Variants in ARHGAP28 observed in about 807,000 individuals in gnomAD.
The protein encoded by ARHGAP28 is rho GTPase-activating protein 28.
A neutral mutation model predicts 90.7 loss-of-function variants in ARHGAP28; 56 were observed. The ratio of observed to expected loss-of-function variants is 0.62; its 90% CI spans 0.50 to 0.77. The LOEUF is 0.77. Among genes scored for constraint, ARHGAP28 ranks in the 30% least tolerant of loss-of-function variants. The probability of loss-of-function intolerance (pLI) is 0.00; values close to 1 mark genes in which losing one functional copy is unlikely to be tolerated. For synonymous variants in ARHGAP28, 308 were observed against 323.3 expected (o/e 0.95, Z 0.51); for missense variants, 869 against 900.9 (o/e 0.96, Z 0.45).
intron 6 of ARHGAP28, among the ~76,000 whole-genome samples, 167 bp downstream of exon 6, chr18:6,868,401 C>T (rs1183412124): frequency 6.6e-6 from 1 of 152,168 alleles, no homozygotes; most frequent in Admixed American, 6.5e-5. Flanking sequence ...CTCCAAACAC[C>T]CCATTCTGTC....
chr18:6,739,067 A>AT (rs1179586044), intron 1 of ARHGAP28, among the ~76,000 whole-genome samples: 6 of 152,358 alleles, frequency 3.9e-5, no homozygotes, highest in African/African-American at 1.4e-4. Context: ...GTGACACAGG[A>AT]AGAAACTGAA....
At position 6,814,327 on chromosome 18, in the gene ARHGAP28, C is replaced by T. The variant is rs116280629; in HGVS notation, c.123-10435C>T. Reference sequence around the variant, plus strand: ...TAAAGCCCATCCACCTGAGAAAGCCCACATGGGACACCAAGCAGGTAGAGA... The same window carrying T: ...TAAAGCCCATCCACCTGAGAAAGCCTACATGGGACACCAAGCAGGTAGAGA... On this transcript the variant is annotated intron_variant, in intron 1 of 17. Coordinates refer to ENST00000383472, the MANE Select transcript of ARHGAP28 (RefSeq NM_001366230.1). Among the ~76,000 whole-genome samples, 407 of 152,152 alleles carry T rather than the reference C, an allele frequency of 2.7e-3. 3 individuals are homozygous for T. Among genetic ancestry groups the T allele is most frequent in the African/African-American group, 9.2e-3 (381 of 41,512 alleles).
intron 1 of ARHGAP28, among the ~76,000 whole-genome samples, chr18:6,758,752 G>GT (rs2056134576): frequency 6.6e-6 from 1 of 152,130 alleles, no homozygotes; most frequent in Non-Finnish European, 1.5e-5. Flanking sequence ...TGAAAATAAG[G>GT]TTTTATGGTA....
intron 5 of ARHGAP28, among the ~76,000 whole-genome samples, chr18:6,866,623 TGTAA>T (rs926638977): frequency 6.6e-6 from 1 of 152,224 alleles, no homozygotes; most frequent in Non-Finnish European, 1.5e-5. Context: ...CGTAATGCTT[TGTAA>T]GTGTTATTCT....
At chr18:6,826,708 T>C (rs2056666736) in intron 2 of ARHGAP28, among the ~76,000 whole-genome samples, 1 of 134,582 alleles carries the variant, frequency 7.4e-6, no homozygotes, top group Non-Finnish European at 1.6e-5. Context: ...TTTTTTTTTA[T>C]TGATCATTCT....
chr18:6,759,227 T>C (rs1367556192), intron 1 of ARHGAP28, among the ~76,000 whole-genome samples: 2 of 152,202 alleles, frequency 1.3e-5, no homozygotes, highest in African/African-American at 4.8e-5. Flanking sequence ...AATTTCAGAA[T>C]GTTTTATTAA....
chr18:6,816,375 C>A (rs1372997173), intron 1 of ARHGAP28, among the ~76,000 whole-genome samples: 1 of 152,132 alleles, frequency 6.6e-6, no homozygotes, highest in Non-Finnish European at 1.5e-5. Context: ...ATCTGAACGG[C>A]CTTCTGAGGA....
At chr18:6,787,346 GTTA>G (rs1332909795) in intron 1 of ARHGAP28, among the ~76,000 whole-genome samples, 1 of 148,420 alleles carries the variant, frequency 6.7e-6, no homozygotes, top group Non-Finnish European at 1.5e-5. Context: ...AAGCTACATT[GTTA>G]TTATTTACTT....
At chr18:6,766,132 G>A (rs1370663674) in intron 1 of ARHGAP28, among the ~76,000 whole-genome samples, 1 of 152,090 alleles carries the variant, frequency 6.6e-6, no homozygotes, top group East Asian at 1.9e-4. Flanking sequence ...TGAGGCTATT[G>A]TTTGTTTTCT....
intron 5 of ARHGAP28, among the ~76,000 whole-genome samples, chr18:6,860,374 G>C (rs542133471): frequency 3.9e-5 from 6 of 152,210 alleles, no homozygotes; most frequent in African/African-American, 1.4e-4. Context: ...CATTCACTTG[G>C]TCTTAAGTAA....
chr18:6,737,071 A>G (rs1483308524), intron 1 of ARHGAP28, among the ~76,000 whole-genome samples: 1 of 152,190 alleles, frequency 6.6e-6, no homozygotes, highest in Non-Finnish European at 1.5e-5. Flanking sequence ...TGGTCTCTAG[A>G]TGTCAGTTCT....
chr18:6,760,753 C>G (rs1431936731), intron 1 of ARHGAP28, among the ~76,000 whole-genome samples: 3 of 152,186 alleles, frequency 2.0e-5, no homozygotes, highest in Non-Finnish European at 4.4e-5. Flanking sequence ...ATTACTATTA[C>G]TTTACATTCT....
chr18:6,896,279 A>G (rs2057304111), intron 15 of ARHGAP28, among the ~76,000 whole-genome samples: 1 of 152,220 alleles, frequency 6.6e-6, no homozygotes, highest in South Asian at 2.1e-4. Context: ...TCATTATAGC[A>G]AGACCTGACC....
rs906722178 is a variant in ARHGAP28 at position 6,826,476 on chromosome 18, G to GT, written c.325+1524dup. On this transcript the variant is annotated intron_variant, in intron 2 of 17. Transcript: ENST00000383472. ...TCTTTTGCTGTGTAGAAGCTCTTTAGTTTTTTTTTTTTAATTAAAATAGAG... is the reference window on the plus strand; with the variant it reads ...TCTTTTGCTGTGTAGAAGCTCTTTAGTTTTTTTTTTTTTAATTAAAATAGAG... Among the ~76,000 whole-genome samples the GT allele has an allele frequency of 3.6e-4, 53 of 146,258 alleles. 1 individual carries two copies. Among genetic ancestry groups the GT allele is most frequent in the Admixed American group, 1.4e-3 (21 of 14,738 alleles).
intron 10 of ARHGAP28, among the ~76,000 whole-genome samples, chr18:6,881,040 A>C (rs988240456): frequency 1.5e-4 from 23 of 152,190 alleles, no homozygotes; most frequent in African/African-American, 5.5e-4. Flanking sequence ...CAAGATGGAA[A>C]TCTCCTTTTG....
At chr18:6,788,695 G>C (rs1403672892) in intron 1 of ARHGAP28, 1 of 152,116 alleles carries the variant, frequency 6.6e-6, no homozygotes, top group Non-Finnish European at 1.5e-5. Flanking sequence ...TTGATCTCCT[G>C]ACCTCATGAT....
At chr18:6,821,521 T>C (rs181444267) in intron 1 of ARHGAP28, among the ~76,000 whole-genome samples, 6 of 152,270 alleles carry the variant, frequency 3.9e-5, no homozygotes, top group Admixed American at 3.9e-4. Flanking sequence ...GGCCTGAGGG[T>C]CAAAATTACG....
rs757152535 is a variant in ARHGAP28 at position 6,896,539 on chromosome 18, C to T, written c.1943C>T (p.Pro648Leu). The T allele has an allele frequency of 5.6e-6, 9 of 1,614,040 alleles. No homozygotes were observed. The Admixed American group carries it at 6.7e-5, about 12-fold the overall frequency. ...VPEGVIRVHAPLLSKVSMAIQ... is the reference protein window; with the variant it reads ...VPEGVIRVHALLLSKVSMAIQ... Reference sequence around the variant, plus strand: ...GAAGGAGTCATACGGGTCCATGCTCCACTTCTCTCCAAGGTGTCCATGGCC... The same window carrying T: ...GAAGGAGTCATACGGGTCCATGCTCTACTTCTCTCCAAGGTGTCCATGGCC... The change falls in exon 16 of 18, where the codon CCA becomes CTA. Residue 648 changes from proline to leucine, a missense_variant. Physicochemically the swap from Pro to Leu is moderately conservative, Grantham distance 98. Coordinates refer to ENST00000383472, the MANE Select transcript of ARHGAP28 (RefSeq NM_001366230.1).
chr18:6,876,158 C>T lies in ARHGAP28; in HGVS notation c.1240C>T (p.Leu414=). The T allele has an allele frequency of 6.2e-7, 1 of 1,614,000 alleles. No individual in the cohort carries two copies. The highest frequency in any genetic ancestry group is 2.2e-5 in the East Asian group (1 of 44,852). ...KFFEKVEESG[L]ESEGIFRLSG... The stretch of plus-strand genomic sequence containing the variant: ...TTTTGAGAAAGTTGAGGAATCAGGT[C>T]TGGAATCTGAAGGAATTTTTCGACT... The change falls in exon 10 of 18, where the codon CTG becomes TTG. Residue 414 remains leucine, a synonymous_variant. Coordinates refer to ENST00000383472, the MANE Select transcript of ARHGAP28 (RefSeq NM_001366230.1).
Sources: allele counts gnomAD v4.1 joint callset (sites outside exome capture counted in the v4.1 genomes callset), GRCh38; gene constraint gnomAD v4.1.1; transcripts MANE v1.5; gene names NCBI Gene and HGNC (gene_info 2026-07-23, HGNC 2026-07-21).